The following MRPL42 variants were observed in gnomAD, a reference collection of about 807,000 sequenced individuals.
MRPL42 encodes the protein mitochondrial ribosomal protein L42, also known as large ribosomal subunit protein mL42.
A neutral mutation model predicts 17.9 loss-of-function variants in MRPL42; 17 were observed. That is an observed-to-expected ratio of 0.95 (90% CI 0.65 to 1.42). The LOEUF (loss-of-function observed/expected upper bound fraction) is 1.42, where lower values mean the gene tolerates loss of function less well. Among genes scored for constraint, MRPL42 ranks in the 40% most tolerant of loss-of-function variants. MRPL42 has a pLI of 0.00. For missense variants in MRPL42, 177 were observed against 175.2 expected (o/e 1.01, Z -0.06); for synonymous variants, 59 against 54.4 (o/e 1.08, Z -0.37).
rs533924886 is a variant in MRPL42 at position 93,475,974 on chromosome 12, C to G, written c.71-980C>G. Among the ~76,000 whole-genome samples the G allele has an allele frequency of 8.6e-4, 130 of 152,038 alleles. 1 individual carries two copies. The South Asian group carries it at 0.016, about 18-fold the overall frequency. On this transcript the variant is annotated intron_variant, in intron 2 of 5. Coordinates refer to ENST00000549982, the MANE Select transcript of MRPL42 (RefSeq NM_014050.4). ...CCAGCCTGGGAGACAGAGCAAGACT[C>G]CGTCTCAAAAACAAAACAAAACAAC...
chr12:93,515,704 T>G lies in MRPL42; in HGVS notation c.*14483T>G, dbSNP rs1953774919. ...TTTACACGGAATGGCAGAGAGTGAT[T>G]AATGAAAAAGCGGGGAGAAAAGCTG... On this transcript the variant is annotated 3_prime_UTR_variant, in exon 6 of 6. Transcript: ENST00000549982. The G allele has an allele frequency of 6.6e-6, 1 of 152,138 alleles. No homozygotes were observed. Among genetic ancestry groups the G allele is most frequent in the South Asian group, 2.1e-4 (1 of 4,826 alleles). The allele number at this position is 152,138 out of a possible 1,614,324, so 9.4% of individuals were successfully genotyped here.
Position 93,507,125 on chromosome 12 carries a change from C to T in MRPL42, c.*5904C>T, listed in dbSNP as rs1367168285. On this transcript the variant is annotated 3_prime_UTR_variant, in exon 6 of 6. Coordinates refer to ENST00000549982, the MANE Select transcript of MRPL42 (RefSeq NM_014050.4). Reference sequence around the variant, plus strand: ...AGCAATAGATGTGTCCAGTGATGTACTAATGAAGATTTAACAACTGGTTCT... The same window carrying T: ...AGCAATAGATGTGTCCAGTGATGTATTAATGAAGATTTAACAACTGGTTCT... The T allele has an allele frequency of 1.3e-5, 2 of 152,184 alleles. No homozygotes were observed. The highest frequency in any genetic ancestry group is 2.9e-5 in the Non-Finnish European group (2 of 68,052). The allele number at this position is 152,184 out of a possible 1,614,324, so 9.4% of individuals were successfully genotyped here.
chr12:93,492,515 T>C (rs1176981449), intron 5 of MRPL42, among the ~76,000 whole-genome samples: 1 of 152,152 alleles, frequency 6.6e-6, no homozygotes, highest in Admixed American at 6.5e-5. Flanking sequence ...CAGATTCTGG[T>C]TCTAGAAGGG....
chr12:93,484,679 C>T (rs957918642), intron 4 of MRPL42, among the ~76,000 whole-genome samples: 1 of 151,840 alleles, frequency 6.6e-6, no homozygotes, highest in Admixed American at 6.6e-5. Flanking sequence ...TCACTGAAAC[C>T]TCTGCCTACT....
In MRPL42 at chr12:93,503,327, G is replaced by T. The variant is rs181027361; in HGVS notation, c.*2106G>T. On this transcript the variant is annotated 3_prime_UTR_variant, in exon 6 of 6. Transcript: ENST00000549982. ...GTTGAGAATGACTAGTAGAATAAAT[G>T]GTAATAGTGAAATTAAGTGCTGGAA... 2.4e-3 allele frequency: 371 copies of T among 151,992 alleles called. 3 individuals are homozygous for T. Among genetic ancestry groups the T allele is most frequent in the African/African-American group, 8.3e-3 (344 of 41,458 alleles). The allele number at this position is 151,992 out of a possible 1,614,324, so 9.4% of individuals were successfully genotyped here.
intron 3 of MRPL42, among the ~76,000 whole-genome samples, chr12:93,478,364 C>T (rs1001376590): frequency 1.3e-5 from 2 of 151,798 alleles, no homozygotes; most frequent in African/African-American, 2.4e-5. Context: ...CCTCCTGCCT[C>T]AGTCTGCCCA....
In MRPL42 at chr12:93,509,286, G is replaced by T. The variant is rs1953702291; in HGVS notation, c.*8065G>T. ...TGAAAGTTCCAATTGCTATATTCTT[G>T]CCCTCATTTGATAATATTTTTAGTT... On this transcript the variant is annotated 3_prime_UTR_variant, in exon 6 of 6. Transcript: ENST00000549982. 6.6e-6 allele frequency: 1 copy of T among 150,388 alleles called. No homozygotes were observed. 9.3% of individuals were successfully genotyped at this position (150,388 alleles called of 1,614,324 possible). A position where few individuals can be genotyped will look rare whatever the true frequency, so the allele number is the denominator to read the frequency against.
chr12:93,482,338 A>T (rs1880503870), intron 4 of MRPL42, among the ~76,000 whole-genome samples: 2 of 152,016 alleles, frequency 1.3e-5, no homozygotes, highest in South Asian at 2.1e-4. Flanking sequence ...TCTCAACAGC[A>T]TTTATCATTT....
chr12:93,472,440 G>A (rs2121166455), intron 2 of MRPL42, among the ~76,000 whole-genome samples: 1 of 152,222 alleles, frequency 6.6e-6, no homozygotes, highest in East Asian at 1.9e-4. Context: ...GCTGGGCGAG[G>A]TGGTACACGC....
rs530250202 is a variant in MRPL42 at position 93,476,981 on chromosome 12, A to T, written c.98A>T (p.Lys33Ile). 14 of 1,609,230 alleles carry T rather than the reference A, an allele frequency of 8.7e-6. No homozygotes were observed. In the South Asian group the frequency reaches 1.5e-4, roughly 18 times the overall value. Residue 33 changes from lysine to isoleucine, a missense_variant, in exon 3 of 6, where the codon AAA becomes ATA. Transcript: ENST00000549982. ...GGAGCTTTATATTGTGTTTGTCATA[A>T]ATCTACGTATTCTCCTCTACCAGAT... is the stretch of plus-strand genomic sequence containing the variant. ...QNGALYCVCHKSTYSPLPDDY... is the reference protein window; with the variant it reads ...QNGALYCVCHISTYSPLPDDY...
At chr12:93,488,714 T>C (rs775617379) in intron 5 of MRPL42, among the ~76,000 whole-genome samples, 2 of 152,206 alleles carry the variant, frequency 1.3e-5, no homozygotes, top group Non-Finnish European at 2.9e-5. Flanking sequence ...TTGCAAATAC[T>C]CACATTTTCC....
chr12:93,477,100 G>C lies in MRPL42; in HGVS notation c.134+83G>C, dbSNP rs552192058. ...AATTTTATTTCTTGTTTTGATGTCT[G>C]ATGCTTTCTTTTCTCATTATTCTTT... On this transcript the variant is annotated intron_variant, in intron 3 of 5. Transcript: ENST00000549982. 8 of 1,001,192 alleles carry C rather than the reference G, an allele frequency of 8.0e-6. No homozygotes were observed. In the African/African-American group the frequency reaches 1.2e-4, roughly 15 times the overall value. The allele number at this position is 1,001,192 out of a possible 1,614,324, so 62.0% of individuals were successfully genotyped here.
At position 93,512,523 on chromosome 12, in the gene MRPL42, A is replaced by G. The variant is rs144292949; in HGVS notation, c.*11302A>G. ...GAGTTACCTGAAGTTACTATCTTCA[A>G]TTATCTGAAGACAGTTCTGATAGCT... On this transcript the variant is annotated 3_prime_UTR_variant, in exon 6 of 6. Transcript: ENST00000549982. 1.6e-4 allele frequency: 25 copies of G among 152,744 alleles called. No homozygotes were observed. The highest frequency in any genetic ancestry group is 1.0e-3 in the Admixed American group (16 of 15,298). 9.5% of individuals were successfully genotyped at this position (152,744 alleles called of 1,614,324 possible).
At chr12:93,497,076 T>TA (rs909484233) in intron 5 of MRPL42, among the ~76,000 whole-genome samples, 15 of 151,916 alleles carry the variant, frequency 9.9e-5, no homozygotes, top group African/African-American at 3.4e-4. Context: ...GAATCAGTAA[T>TA]AAAAAAACAA....
intron 5 of MRPL42, among the ~76,000 whole-genome samples, chr12:93,496,643 TAAA>T (rs35375116): frequency 1.7e-3 from 121 of 70,698 alleles, no homozygotes; most frequent in South Asian, 3.1e-3. Flanking sequence ...TCAGATTAGG[TAAA>T]AAAAAAAAAA....
rs1323214739 is a variant in MRPL42 at position 93,507,657 on chromosome 12, G to A, written c.*6436G>A. The A allele has an allele frequency of 1.3e-5, 2 of 152,270 alleles. No homozygotes were observed. Among genetic ancestry groups the A allele is most frequent in the East Asian group, 1.9e-4 (1 of 5,194 alleles). The allele number at this position is 152,270 out of a possible 1,614,324, so 9.4% of individuals were successfully genotyped here. A position where few individuals can be genotyped will look rare whatever the true frequency, so the allele number is the denominator to read the frequency against. On this transcript the variant is annotated 3_prime_UTR_variant, in exon 6 of 6. Transcript: ENST00000549982. ...TATCTTGGCTGGACTTGCCCATGCA[G>A]CTGAGGTCACTAGTTGGGTTGTTGA...
intron 1 of MRPL42, among the ~76,000 whole-genome samples, chr12:93,468,306 T>C (rs571312704): frequency 9.1e-6 from 1 of 109,658 alleles, no homozygotes; most frequent in African/African-American, 3.3e-5. Context: ...TTTATCACTA[T>C]TGGGGGGAAG....
rs931378432 is a variant in MRPL42 at position 93,509,260 on chromosome 12, A to G, written c.*8039A>G. On this transcript the variant is annotated 3_prime_UTR_variant, in exon 6 of 6. Transcript: ENST00000549982. Reference sequence around the variant, plus strand: ...CCATTTTATATTCTCACCACCATGAATGAAAGTTCCAATTGCTATATTCTT... The same window carrying G: ...CCATTTTATATTCTCACCACCATGAGTGAAAGTTCCAATTGCTATATTCTT... 5.3e-5 allele frequency: 8 copies of G among 151,862 alleles called. No individual in the cohort carries two copies. Among genetic ancestry groups the G allele is most frequent in the African/African-American group, 1.9e-4 (8 of 41,338 alleles). 9.4% of individuals were successfully genotyped at this position (151,862 alleles called of 1,614,324 possible).
chr12:93,470,466 ATTTTTAT>A (rs1879855758), intron 2 of MRPL42: 3 of 1,278,342 alleles, frequency 2.3e-6, no homozygotes, highest in African/African-American at 3.1e-5. Context: ...CCAACTTTTT[ATTTTTAT>A]TTTTTATTTT....
Sources: gnomAD v4.1 joint callset for allele counts (sites outside exome capture counted in the v4.1 genomes callset) on GRCh38, gnomAD v4.1.1 for gene constraint, MANE v1.5 for transcripts, NCBI Gene and HGNC (gene_info 2026-07-23, HGNC 2026-07-21) for gene names.